PPM1H: variants seen among roughly 807,000 people sequenced by gnomAD.
PPM1H encodes the protein protein phosphatase 1H.
PPM1H carries 27 observed loss-of-function variants against 54.9 expected under a neutral mutation model. The ratio of observed to expected loss-of-function variants is 0.49; its 90% CI spans 0.36 to 0.68. PPM1H has a LOEUF of 0.68. Ranked by LOEUF, PPM1H falls within the 30% of genes least tolerant of loss-of-function variation. The pLI, the probability that PPM1H is intolerant of heterozygous loss-of-function variation, is 0.00. For missense variants in PPM1H, 596 were observed against 667.8 expected (o/e 0.89, Z 1.19); for synonymous variants, 305 against 270.8 (o/e 1.13, Z -1.24).
rs532111424 is a variant in PPM1H, at chr12:62,924,555, G to A, written c.245+9937C>T. Among the ~76,000 whole-genome samples the A allele has an allele frequency of 5.9e-5, 9 of 152,270 alleles. No individual in the cohort carries two copies. In the South Asian group the frequency reaches 1.4e-3, roughly 25 times the overall value. Reference sequence around the variant, plus strand: ...AAGGAGATGCGAATTTACTACATTCGAGACTATCATCCACTGGTCTTATTT... The same window carrying A: ...AAGGAGATGCGAATTTACTACATTCAAGACTATCATCCACTGGTCTTATTT... On this transcript the variant is annotated intron_variant, in intron 1 of 9. Transcript: ENST00000228705.
chr12:62,685,840 A>G (rs2076047991), intron 8 of PPM1H, among the ~76,000 whole-genome samples: 2 of 152,232 alleles, frequency 1.3e-5, no homozygotes, highest in Non-Finnish European at 2.9e-5. Flanking sequence ...GTCATTCCAT[A>G]ATGTAAACAT....
At chr12:62,926,611 GA>G (rs1030079580) in intron 1 of PPM1H, among the ~76,000 whole-genome samples, 3 of 152,098 alleles carry the variant, frequency 2.0e-5, no homozygotes, top group African/African-American at 7.2e-5. Context: ...TTATAAATAT[GA>G]AACATTATCT....
At chr12:62,657,805 G>A (rs2075853527) in intron 9 of PPM1H, among the ~76,000 whole-genome samples, 1 of 152,148 alleles carries the variant, frequency 6.6e-6, no homozygotes, top group Admixed American at 6.5e-5. Flanking sequence ...CCTGTTGTCA[G>A]TGTTGGTGTT....
At chr12:62,905,327 G>C (rs761222328) in intron 1 of PPM1H, among the ~76,000 whole-genome samples, 40 of 152,136 alleles carry the variant, frequency 2.6e-4, no homozygotes, top group African/African-American at 9.7e-4. Context: ...GATTGGCAAG[G>C]CTCAACGTGT....
chr12:62,838,535 A>G (rs938264311), intron 1 of PPM1H, among the ~76,000 whole-genome samples: 6 of 152,148 alleles, frequency 3.9e-5, no homozygotes, highest in Admixed American at 1.3e-4. Context: ...GGTACTGAGA[A>G]AAGAAACCAC....
At chr12:62,914,187 T>C (rs1046653005) in intron 1 of PPM1H, among the ~76,000 whole-genome samples, 3 of 152,160 alleles carry the variant, frequency 2.0e-5, no homozygotes, top group Admixed American at 6.5e-5. Context: ...GTTCTGACTC[T>C]ATTAGTTCCT....
chr12:62,670,473 T>C (rs2075950889), intron 8 of PPM1H, among the ~76,000 whole-genome samples: 1 of 152,168 alleles, frequency 6.6e-6, no homozygotes, highest in South Asian at 2.1e-4. Flanking sequence ...ATAACATCCA[T>C]TTAATTTCAG....
chr12:62,898,406 C>G (rs555302308), intron 1 of PPM1H, among the ~76,000 whole-genome samples: 1 of 152,016 alleles, frequency 6.6e-6, no homozygotes, highest in African/African-American at 2.4e-5. Context: ...CAGTGTGGGG[C>G]GACAAAGGAA....
At chr12:62,666,057 T>C (rs1257826426) in intron 9 of PPM1H, among the ~76,000 whole-genome samples, 2 of 151,918 alleles carry the variant, frequency 1.3e-5, no homozygotes, top group East Asian at 3.9e-4. Context: ...CATGTTAAAA[T>C]ATTTTATATT....
chr12:62,917,939 G>GT (rs1401367193), intron 1 of PPM1H, among the ~76,000 whole-genome samples: 1 of 152,016 alleles, frequency 6.6e-6, no homozygotes, highest in Non-Finnish European at 1.5e-5. Flanking sequence ...TCCACTTTTT[G>GT]TTAAAATGCA....
Position 62,817,471 on chromosome 12 carries a change from C to A in PPM1H, c.411+14643G>T, listed in dbSNP as rs551280911. ...AGAGAGACCCTGTCTCAAAAAAAAA[C>A]AAACAAACAAACAAAAAAAAAACTA... On this transcript the variant is annotated intron_variant, in intron 2 of 9. Coordinates refer to ENST00000228705, the MANE Select transcript of PPM1H (RefSeq NM_020700.2). Among the ~76,000 whole-genome samples, 611 of 127,962 alleles carry A rather than the reference C, an allele frequency of 4.8e-3. 9 individuals are homozygous for A. Among genetic ancestry groups the A allele is most frequent in the African/African-American group, 0.016 (561 of 36,118 alleles). The allele number at this position is 127,962 out of a possible 152,430, so 83.9% of individuals were successfully genotyped here. A position where few individuals can be genotyped will look rare whatever the true frequency, so the allele number is the denominator to read the frequency against.
At chr12:62,751,061 A>G (rs1021512363) in intron 4 of PPM1H, among the ~76,000 whole-genome samples, 1 of 152,218 alleles carries the variant, frequency 6.6e-6, no homozygotes, top group African/African-American at 2.4e-5. Flanking sequence ...GAAGCCACCA[A>G]AGGCATTTAT....
At chr12:62,788,480 C>T in intron 3 of PPM1H, 142 bp from the exon 4 acceptor site, 1 of 588,654 alleles carries the variant, frequency 1.7e-6, no homozygotes, top group Admixed American at 2.8e-5. Flanking sequence ...GCTTTCCTAC[C>T]ACCTGATGAG....
chr12:62,813,974 A>C (rs925105795), intron 2 of PPM1H, among the ~76,000 whole-genome samples: 2 of 152,214 alleles, frequency 1.3e-5, no homozygotes, highest in African/African-American at 4.8e-5. Flanking sequence ...AACATTTAAA[A>C]ATTTTAAATG....
chr12:62,751,937 T>TA (rs1302911413), intron 4 of PPM1H, among the ~76,000 whole-genome samples: 1 of 152,226 alleles, frequency 6.6e-6, no homozygotes, highest in Non-Finnish European at 1.5e-5. Context: ...GCCCTACCTG[T>TA]AAGGCCTCTC....
At chr12:62,909,758 G>A (rs1327532035) in intron 1 of PPM1H, among the ~76,000 whole-genome samples, 2 of 152,146 alleles carry the variant, frequency 1.3e-5, no homozygotes, top group Non-Finnish European at 2.9e-5. Context: ...TCACCCACTA[G>A]AATAGAGGCT....
chr12:62,675,665 G>A (rs145638262), intron 8 of PPM1H, among the ~76,000 whole-genome samples: 1,659 of 152,260 alleles, frequency 0.011, 15 homozygotes, highest in Middle Eastern at 0.02. Context: ...TATTAATAGT[G>A]TCCCCTTTGA....
chr12:62,822,547 C>T (rs2076910711), intron 2 of PPM1H, among the ~76,000 whole-genome samples: 1 of 152,198 alleles, frequency 6.6e-6, no homozygotes. Flanking sequence ...AACTGTCTCT[C>T]AGACCACAAT....
rs555342490 is a variant in PPM1H at position 62,934,863 on chromosome 12, G to C, written c.-127C>G. 2.8e-3 allele frequency: 2,761 copies of C among 980,534 alleles called. 13 individuals are homozygous for C. Among genetic ancestry groups the C allele is most frequent in the African/African-American group, 0.015 (883 of 58,164 alleles). The allele number at this position is 980,534 out of a possible 1,614,324, so 60.7% of individuals were successfully genotyped here. ...GCGAGTCGGGCCACTGGGACGCGCC[G>C]CGCGCGGCTCCCAGAGCCTAGTGCT... On this transcript the variant is annotated 5_prime_UTR_variant, in exon 1 of 10. Coordinates refer to ENST00000228705, the MANE Select transcript of PPM1H (RefSeq NM_020700.2). This position sits in a 1 kb window ranked among gnomAD's most constrained non-coding sequence, Gnocchi z 4.2.
Sources: gnomAD v4.1 joint callset for allele counts (sites outside exome capture counted in the v4.1 genomes callset) on GRCh38, gnomAD v4.1.1 for gene constraint, Gnocchi (gnomAD v3.1) non-coding constraint, MANE v1.5 for transcripts, NCBI Gene and HGNC (gene_info 2026-07-23, HGNC 2026-07-21) for gene names.